GALNT13: variants seen among roughly 807,000 people sequenced by gnomAD.
GALNT13 encodes polypeptide N-acetylgalactosaminyltransferase 13.
In GALNT13, 28 loss-of-function variants were observed where a neutral mutation model predicts 64.2. That is an observed-to-expected ratio of 0.44 (90% CI 0.32 to 0.60). GALNT13 has a LOEUF of 0.60. Among genes scored for constraint, GALNT13 ranks in the 20% least tolerant of loss-of-function variants. The probability of loss-of-function intolerance (pLI) is 0.05; values close to 1 mark genes in which losing one functional copy is unlikely to be tolerated. For missense variants in GALNT13, 577 were observed against 669.8 expected (o/e 0.86, Z 1.53); for synonymous variants, 214 against 224.6 (o/e 0.95, Z 0.42).
chr2:154,061,422 G>A (rs1469741748), intron 3 of GALNT13, among the ~76,000 whole-genome samples: 2 of 152,120 alleles, frequency 1.3e-5, no homozygotes, highest in African/African-American at 4.8e-5. Context: ...TTGGGTCAGA[G>A]CTGGACTCCT....
the GALNT13 span, among the ~76,000 whole-genome samples, chr2:153,808,176 T>TG: frequency 6.6e-6 from 1 of 152,172 alleles, no homozygotes; most frequent in Non-Finnish European, 1.5e-5. Flanking sequence ...TGGCAGCTTT[T>TG]GGGGGCTTTC....
At chr2:153,171,610 A>G in the GALNT13 span, among the ~76,000 whole-genome samples, 2 of 152,286 alleles carry the variant, frequency 1.3e-5, no homozygotes, top group African/African-American at 4.8e-5. Context: ...TGAAGAGGAA[A>G]AAGCTGTTAT....
chr2:154,086,458 A>G (rs1465218535), intron 3 of GALNT13, among the ~76,000 whole-genome samples: 1 of 148,822 alleles, frequency 6.7e-6, no homozygotes, highest in Non-Finnish European at 1.5e-5. Context: ...ATGTAAATAT[A>G]TTATTTATAT....
At chr2:153,566,065 A>G in the GALNT13 span, among the ~76,000 whole-genome samples, 1 of 152,304 alleles carries the variant, frequency 6.6e-6, no homozygotes, top group Admixed American at 6.5e-5. Context: ...TAATGATAAG[A>G]TAATCTTTTA....
the GALNT13 span, among the ~76,000 whole-genome samples, chr2:153,216,325 T>A: frequency 3.9e-5 from 6 of 152,054 alleles, no homozygotes; most frequent in Non-Finnish European, 7.4e-5. Flanking sequence ...AGTAAATACC[T>A]ATGAGTAGGA....
chr2:153,715,779 C>A, the GALNT13 span, among the ~76,000 whole-genome samples: 4 of 151,748 alleles, frequency 2.6e-5, no homozygotes, highest in African/African-American at 9.7e-5. Context: ...ATTCTCAGTT[C>A]ACTTTTCTTT....
chr2:154,138,932 T>C (rs957212800), intron 3 of GALNT13, among the ~76,000 whole-genome samples: 1 of 152,144 alleles, frequency 6.6e-6, no homozygotes, highest in Non-Finnish European at 1.5e-5. Flanking sequence ...TTTTGCTTTT[T>C]AAAGTGAATG....
chr2:153,613,790 C>T, the GALNT13 span, among the ~76,000 whole-genome samples: 2 of 151,944 alleles, frequency 1.3e-5, no homozygotes, highest in African/African-American at 4.8e-5. Flanking sequence ...CATGTCCCTA[C>T]AAAGGACATG....
intron 3 of GALNT13, among the ~76,000 whole-genome samples, chr2:154,004,977 A>C (rs1421025911): frequency 6.6e-6 from 1 of 152,184 alleles, no homozygotes; most frequent in Non-Finnish European, 1.5e-5. Flanking sequence ...TGGCAAATTT[A>C]GTAACTTTTA....
chr2:154,154,449 C>G (rs183207936), intron 4 of GALNT13, among the ~76,000 whole-genome samples: 2 of 152,076 alleles, frequency 1.3e-5, no homozygotes, highest in East Asian at 3.9e-4. Context: ...TAATAGTCAA[C>G]AAGGAGATTT....
chr2:154,114,134 C>T (rs935299398), intron 3 of GALNT13, among the ~76,000 whole-genome samples: 2 of 152,184 alleles, frequency 1.3e-5, no homozygotes, highest in East Asian at 1.9e-4. Flanking sequence ...CACTAATCTC[C>T]ACCATCCCTC....
the GALNT13 span, among the ~76,000 whole-genome samples, chr2:153,218,876 G>A: frequency 4.2e-3 from 637 of 152,280 alleles, 4 homozygotes; most frequent in African/African-American, 0.014. Context: ...TTTTGGACTA[G>A]TTGGTTGACT....
intron 10 of GALNT13, among the ~76,000 whole-genome samples, chr2:154,397,078 G>A (rs960125272): frequency 2.0e-5 from 3 of 151,788 alleles, no homozygotes; most frequent in South Asian, 4.2e-4. Context: ...CCTCCATATT[G>A]ATAATTTTCC....
chr2:153,449,585 T>C, the GALNT13 span: 3 of 152,440 alleles, frequency 2.0e-5, no homozygotes, highest in Non-Finnish European at 4.4e-5. Flanking sequence ...AATTGCGTTA[T>C]CTATTGTCTT....
intron 3 of GALNT13, among the ~76,000 whole-genome samples, chr2:154,111,172 A>T (rs778158060): frequency 4.9e-4 from 75 of 152,114 alleles, no homozygotes; most frequent in Non-Finnish European, 9.4e-4. Flanking sequence ...CCCATTCTGT[A>T]TTCTATTTGC....
At chr2:153,419,072 G>A in the GALNT13 span, among the ~76,000 whole-genome samples, 11 of 152,246 alleles carry the variant, frequency 7.2e-5, no homozygotes, top group Non-Finnish European at 1.2e-4. Flanking sequence ...TTGCTATGAA[G>A]AAATACCCGA....
intron 2 of GALNT13, among the ~76,000 whole-genome samples, chr2:153,906,168 G>A (rs1688546863): frequency 6.6e-6 from 1 of 151,212 alleles, no homozygotes; most frequent in Non-Finnish European, 1.5e-5. Flanking sequence ...TGATCTTTTA[G>A]TTTCTCTTAA....
the GALNT13 span, among the ~76,000 whole-genome samples, chr2:153,401,571 G>T: frequency 2.2e-3 from 328 of 150,782 alleles, 2 homozygotes; most frequent in African/African-American, 7.3e-3. Context: ...AAGTCTCTTT[G>T]TAGGTCACTC....
intron 11 of GALNT13, among the ~76,000 whole-genome samples, chr2:154,424,121 T>C (rs1437266817): frequency 6.6e-6 from 1 of 152,094 alleles, no homozygotes; most frequent in African/African-American, 2.4e-5. Flanking sequence ...TAAAAATATA[T>C]TGTTGGATGG....
Sources: gnomAD v4.1 joint callset for allele counts (sites outside exome capture counted in the v4.1 genomes callset) on GRCh38, gnomAD v4.1.1 for gene constraint, MANE v1.5 for transcripts, NCBI Gene and HGNC (gene_info 2026-07-23, HGNC 2026-07-21) for gene names.